SH3PXD2B: variants seen among roughly 807,000 people sequenced by gnomAD.
The protein encoded by SH3PXD2B is SH3 and PX domains 2B.
SH3PXD2B carries 37 observed loss-of-function variants against 73.1 expected under a neutral mutation model. That is an observed-to-expected ratio of 0.51 (90% CI 0.39 to 0.67). The LOEUF (loss-of-function observed/expected upper bound fraction) is 0.67. Ranked by LOEUF, SH3PXD2B falls within the 30% of genes least tolerant of loss-of-function variation. SH3PXD2B has a pLI of 0.00. For synonymous variants in SH3PXD2B, 457 were observed against 480.5 expected, an observed-to-expected ratio of 0.95 and a Z score of 0.64; for missense variants, 1,053 against 1,197.8, an observed-to-expected ratio of 0.88 and a Z score of 1.78.
intron 6 of SH3PXD2B, among the ~76,000 whole-genome samples, chr5:172,368,465 A>AT (rs1757577400): frequency 2.3e-5 from 1 of 42,956 alleles, no homozygotes; most frequent in South Asian, 8.2e-4. Context: ...ATATATATAT[A>AT]TATTATATAT....
chr5:172,417,985 C>T (rs1401542919), intron 2 of SH3PXD2B, among the ~76,000 whole-genome samples: 3 of 152,214 alleles, frequency 2.0e-5, no homozygotes, highest in South Asian at 4.1e-4. Flanking sequence ...CACGAACCTG[C>T]TTTCTGTCTA....
intron 2 of SH3PXD2B, among the ~76,000 whole-genome samples, chr5:172,411,441 G>C (rs575655476): frequency 1.1e-4 from 14 of 130,804 alleles, no homozygotes; most frequent in Admixed American, 9.5e-4. Context: ...GGAGCTGAAA[G>C]GCCTCCCTTT....
Position 172,422,500 on chromosome 5 carries a change from C to T in SH3PXD2B, c.76-4G>A, listed in dbSNP as rs144523953. 1.3e-4 allele frequency: 207 copies of T among 1,610,472 alleles called. No homozygotes were observed. In the African/African-American group the frequency reaches 1.5e-3, roughly 12 times the overall value. On this transcript the variant is annotated splice_region_variant and splice_polypyrimidine_tract_variant and intron_variant, in intron 1 of 12. Coordinates refer to ENST00000311601, the MANE Select transcript of SH3PXD2B (RefSeq NM_001017995.3). The stretch of plus-strand genomic sequence containing the variant: ...ACGTGACCCGGATGATGTAGACCTG[C>T]GGGAGCAACAGAGGAGATGGGTGTT...
intron 5 of SH3PXD2B, among the ~76,000 whole-genome samples, chr5:172,378,766 C>T (rs747953560): frequency 2.6e-5 from 4 of 152,210 alleles, no homozygotes; most frequent in African/African-American, 9.6e-5. Context: ...CCAATCTTAC[C>T]CAGCTTGAAA....
chr5:172,331,080 A>G (rs1473810445), downstream of SH3PXD2B, among the ~76,000 whole-genome samples: 1 of 152,220 alleles, frequency 6.6e-6, no homozygotes, highest in African/African-American at 2.4e-5. Flanking sequence ...CTGTAATCCC[A>G]GCTACTCAGG....
chr5:172,441,619 A>T (rs1452600331), intron 1 of SH3PXD2B, among the ~76,000 whole-genome samples: 1 of 152,196 alleles, frequency 6.6e-6, no homozygotes, highest in Non-Finnish European at 1.5e-5. Flanking sequence ...CCTCAACGTC[A>T]AAGCTGGGTA....
At chr5:172,375,593 A>G (rs1757806116) in intron 5 of SH3PXD2B, among the ~76,000 whole-genome samples, 1 of 152,184 alleles carries the variant, frequency 6.6e-6, no homozygotes, top group Non-Finnish European at 1.5e-5. Context: ...TCATATAAAT[A>G]GAATCATATA....
rs546386181 is a variant in SH3PXD2B at position 172,381,910 on chromosome 5, C to A, written c.401+126G>T. ...GCAACTCTGAAGGCTAAGTGAAGTG[C>A]GGTCTCACAGGGGCTCAGCCGACGA... On this transcript the variant is annotated intron_variant, in intron 5 of 12. Coordinates refer to ENST00000311601, the MANE Select transcript of SH3PXD2B (RefSeq NM_001017995.3). 120 of 665,580 alleles carry A rather than the reference C, an allele frequency of 1.8e-4. No individual in the cohort carries two copies. The South Asian group carries it at 2.2e-3, about 12-fold the overall frequency. The allele number at this position is 665,580 out of a possible 1,614,324, so 41.2% of individuals were successfully genotyped here.
intron 3 of SH3PXD2B, among the ~76,000 whole-genome samples, chr5:172,400,132 G>A (rs987109496): frequency 2.0e-5 from 3 of 152,082 alleles, no homozygotes; most frequent in African/African-American, 7.2e-5. Context: ...TTTGGTCTCC[G>A]GCCTCTCCCT....
chr5:172,395,301 A>G (rs1249302294), intron 3 of SH3PXD2B, among the ~76,000 whole-genome samples: 1 of 152,230 alleles, frequency 6.6e-6, no homozygotes, highest in Non-Finnish European at 1.5e-5. Context: ...TGTGACAATA[A>G]TGTTTGATAA....
intron 6 of SH3PXD2B, among the ~76,000 whole-genome samples, chr5:172,366,767 G>A (rs1423255862): frequency 6.6e-6 from 1 of 151,638 alleles, no homozygotes; most frequent in African/African-American, 2.4e-5. Context: ...TGAGTAGCTG[G>A]GACTACAGGC....
chr5:172,452,649 C>G (rs541731689), intron 1 of SH3PXD2B, among the ~76,000 whole-genome samples: 3 of 152,086 alleles, frequency 2.0e-5, no homozygotes, highest in Non-Finnish European at 4.4e-5. Flanking sequence ...CGATGATGGC[C>G]GGGCCTCGGT....
At chr5:172,330,989 G>C (rs967455349), downstream of SH3PXD2B, among the ~76,000 whole-genome samples, 2 of 152,228 alleles carry the variant, frequency 1.3e-5, no homozygotes, top group Non-Finnish European at 2.9e-5. Context: ...GAGGACCAGA[G>C]TTCATGACCA....
chr5:172,368,386 T>C (rs1757572765), intron 6 of SH3PXD2B, among the ~76,000 whole-genome samples: 2 of 144,638 alleles, frequency 1.4e-5, no homozygotes, highest in African/African-American at 2.6e-5. Context: ...TGTTCACTGC[T>C]ATATTCATAC....
rs962354119 is a variant in SH3PXD2B, at chr5:172,421,855, G to T, written c.156+561C>A. Among the ~76,000 whole-genome samples the T allele has an allele frequency of 6.6e-6, 1 of 152,218 alleles. No individual in the cohort carries two copies. Among genetic ancestry groups the T allele is most frequent in the African/African-American group, 2.4e-5 (1 of 41,462 alleles). On this transcript the variant is annotated intron_variant, in intron 2 of 12. Coordinates refer to ENST00000311601, the MANE Select transcript of SH3PXD2B (RefSeq NM_001017995.3). The surrounding 1 kb of genome is among the most constrained non-coding windows in gnomAD (Gnocchi z 4.0). ...TAAAACTTAAGTTCAAACACTGCAT[G>T]CCAAAGCCATTTGGAAATGATTTCC...
intron 2 of SH3PXD2B, among the ~76,000 whole-genome samples, chr5:172,411,443 C>T (rs537793242): frequency 8.7e-5 from 11 of 126,840 alleles, no homozygotes; most frequent in South Asian, 2.5e-4. Context: ...AGCTGAAAGG[C>T]CTCCCTTTGT....
chr5:172,387,990 CTTTTTTGTTTTTTTCCCAT>C (rs1262264936), intron 4 of SH3PXD2B, among the ~76,000 whole-genome samples: 1 of 152,038 alleles, frequency 6.6e-6, no homozygotes, highest in Non-Finnish European at 1.5e-5. Flanking sequence ...GATAAGTTAT[CTTTTTTGTTTTTTTCCCAT>C]GTGGATACCC....
intron 8 of SH3PXD2B, among the ~76,000 whole-genome samples, chr5:172,355,701 C>T (rs1412540524): frequency 5.9e-5 from 9 of 152,048 alleles, no homozygotes; most frequent in Admixed American, 1.3e-4. Flanking sequence ...CCCGCCACCA[C>T]GCCCGGCTAA....
chr5:172,359,601 G>T (rs1410988785), intron 7 of SH3PXD2B, among the ~76,000 whole-genome samples: 1 of 152,040 alleles, frequency 6.6e-6, no homozygotes, highest in Admixed American at 6.6e-5. Flanking sequence ...GACTGTAAAG[G>T]CCTAGATGCA....
Sources: gnomAD v4.1 joint callset for allele counts (sites outside exome capture counted in the v4.1 genomes callset) on GRCh38, gnomAD v4.1.1 for gene constraint, Gnocchi (gnomAD v3.1) non-coding constraint, MANE v1.5 for transcripts, NCBI Gene and HGNC (gene_info 2026-07-23, HGNC 2026-07-21) for gene names.